The following BTRC variants were observed in gnomAD, a reference collection of about 807,000 sequenced individuals.
BTRC encodes the protein F-box/WD repeat-containing protein 1A.
In BTRC, 42 loss-of-function variants were observed where a neutral mutation model predicts 85.5. The observed-to-expected ratio is 0.49, with a 90% confidence interval of 0.38 to 0.64. The LOEUF is 0.64. Ranked by LOEUF, BTRC falls within the 30% of genes least tolerant of loss-of-function variation. The pLI is 0.00. For synonymous variants in BTRC, 255 were observed against 263.3 expected (o/e 0.97, Z 0.30); for missense variants, 594 against 743.5 (o/e 0.80, Z 2.34).
At chr10:101,387,731 C>T (rs1310305055) in intron 1 of BTRC, among the ~76,000 whole-genome samples, 1 of 151,308 alleles carries the variant, frequency 6.6e-6, no homozygotes, top group Non-Finnish European at 1.5e-5. Flanking sequence ...GCTCTGTCGC[C>T]CAGGCTGAAG....
At chr10:101,388,243 C>T (rs1274778383) in intron 1 of BTRC, among the ~76,000 whole-genome samples, 1 of 151,958 alleles carries the variant, frequency 6.6e-6, no homozygotes, top group African/African-American at 2.4e-5. Flanking sequence ...CTCATTGTAA[C>T]ATCAACCTCC....
chr10:101,382,357 T>C (rs1942958581), intron 1 of BTRC, among the ~76,000 whole-genome samples: 1 of 152,178 alleles, frequency 6.6e-6, no homozygotes, highest in Non-Finnish European at 1.5e-5. Context: ...TCTCTTTAGT[T>C]TCCTTTAATT....
At chr10:101,375,586 G>A (rs1288659186) in intron 1 of BTRC, among the ~76,000 whole-genome samples, 1 of 152,222 alleles carries the variant, frequency 6.6e-6, no homozygotes. Flanking sequence ...TAGGCAGAAA[G>A]CATCAGTGAA....
At chr10:101,358,260 A>T (rs541595974) in intron 1 of BTRC, among the ~76,000 whole-genome samples, 1 of 149,432 alleles carries the variant, frequency 6.7e-6, no homozygotes, top group Non-Finnish European at 1.5e-5. Context: ...TATGCTGGCT[A>T]TTTTTTTTTT....
intron 1 of BTRC, among the ~76,000 whole-genome samples, chr10:101,394,119 T>C (rs890126188): frequency 3.9e-5 from 6 of 152,150 alleles, no homozygotes; most frequent in Non-Finnish European, 1.5e-5. Flanking sequence ...TAGAAGATAT[T>C]ATGGAGCTAG....
At chr10:101,491,234 G>T (rs1946124877) in intron 4 of BTRC, among the ~76,000 whole-genome samples, 1 of 135,068 alleles carries the variant, frequency 7.4e-6, no homozygotes, top group South Asian at 2.3e-4. Flanking sequence ...TAGACAACTG[G>T]TTCAGGGTGG....
intron 11 of BTRC, 90 bp downstream of exon 11, chr10:101,535,562 T>G (rs780133712): frequency 3.4e-5 from 31 of 901,782 alleles, no homozygotes; most frequent in Non-Finnish European, 4.8e-5. Context: ...TCAATTTTGT[T>G]ATGTTTATAA....
intron 1 of BTRC, among the ~76,000 whole-genome samples, chr10:101,417,816 A>G (rs933470683): frequency 2.6e-5 from 4 of 152,060 alleles, no homozygotes; most frequent in Non-Finnish European, 5.9e-5. Flanking sequence ...GGAACTACAG[A>G]TGCGTGTCAC....
intron 1 of BTRC, among the ~76,000 whole-genome samples, chr10:101,387,528 C>CTTTATTTTTTTTTTTTTTTTT (rs1943110850): frequency 2.2e-5 from 1 of 45,122 alleles, no homozygotes; most frequent in Non-Finnish European, 3.4e-5. Flanking sequence ...CTTCATGGGA[C>CTTTATTTTTTTTTTTTTTTTT]TTTTTTTTTT....
intron 4 of BTRC, among the ~76,000 whole-genome samples, chr10:101,502,350 T>C (rs1564810614): frequency 6.6e-6 from 1 of 151,990 alleles, no homozygotes; most frequent in Non-Finnish European, 1.5e-5. Flanking sequence ...AGTTGGGTGT[T>C]ATGGGAAAAC....
At position 101,461,988 on chromosome 10, in the gene BTRC, CAGAG is replaced by C; in HGVS notation, c.170_173del (p.Arg57LysfsTer12). ...GCTTACTTTCTTTCACAGAATTCCT[CAGAG>C]AGAGAAGACTGTAATAATGGCGAAC... On this transcript the variant is annotated frameshift_variant, in exon 3 of 15. Transcript: ENST00000370187. LOFTEE classifies it high-confidence loss of function. 2 of 1,609,146 alleles carry C rather than the reference CAGAG, an allele frequency of 1.2e-6. No individual in the cohort carries two copies. The highest frequency in any genetic ancestry group is 1.7e-6 in the Non-Finnish European group (2 of 1,176,296).
chr10:101,445,437 A>G (rs950495820), intron 2 of BTRC, among the ~76,000 whole-genome samples: 1 of 152,220 alleles, frequency 6.6e-6, no homozygotes, highest in African/African-American at 2.4e-5. Flanking sequence ...TTAAATCAGT[A>G]GAAAATATGT....
chr10:101,430,646 A>G lies in BTRC; in HGVS notation c.156+194A>G, dbSNP rs190046026. Among the ~76,000 whole-genome samples, 7 of 152,266 alleles carry G rather than the reference A, an allele frequency of 4.6e-5. No homozygotes were observed. In the East Asian group the frequency reaches 1.4e-3, roughly 29 times the overall value. On this transcript the variant is annotated intron_variant, in intron 2 of 14. Transcript: ENST00000370187. ...ACCCAGACTGATCCACTCTTAAGACAATGTCATCATGATTGGTTACAAAAA... is the reference window on the plus strand; with the variant it reads ...ACCCAGACTGATCCACTCTTAAGACGATGTCATCATGATTGGTTACAAAAA...
chr10:101,428,637 C>T (rs1299654113), intron 1 of BTRC, among the ~76,000 whole-genome samples: 2 of 152,100 alleles, frequency 1.3e-5, no homozygotes, highest in Non-Finnish European at 2.9e-5. Context: ...GATTCTAGTC[C>T]CTACTTCCCT....
chr10:101,493,123 T>G (rs1946175571), intron 4 of BTRC, among the ~76,000 whole-genome samples: 1 of 152,224 alleles, frequency 6.6e-6, no homozygotes, highest in Non-Finnish European at 1.5e-5. Flanking sequence ...AAAGACTAAT[T>G]GTATCCAAAG....
At chr10:101,418,679 A>G (rs1047343398) in intron 1 of BTRC, among the ~76,000 whole-genome samples, 2 of 151,636 alleles carry the variant, frequency 1.3e-5, no homozygotes, top group African/African-American at 4.8e-5. Flanking sequence ...GTATTGCTGT[A>G]TAATTGGCAA....
intron 2 of BTRC, among the ~76,000 whole-genome samples, chr10:101,431,044 A>G (rs1278944313): frequency 6.6e-6 from 1 of 150,592 alleles, no homozygotes; most frequent in Non-Finnish European, 1.5e-5. Flanking sequence ...TCATGAATTA[A>G]CAGATTCCAG....
At chr10:101,416,559 GTTA>G (rs934839869) in intron 1 of BTRC, among the ~76,000 whole-genome samples, 10 of 152,004 alleles carry the variant, frequency 6.6e-5, no homozygotes, top group Admixed American at 3.9e-4. Context: ...TGTTGTTGTT[GTTA>G]TTGTTGTTGT....
Position 101,550,693 on chromosome 10 carries a change from C to G in BTRC, c.1657-6C>G. 6.2e-7 allele frequency: 1 copy of G among 1,609,670 alleles called. No homozygotes were observed. Among genetic ancestry groups the G allele is most frequent in the Non-Finnish European group, 8.5e-7 (1 of 1,176,626 alleles). On this transcript the variant is annotated splice_region_variant and splice_polypyrimidine_tract_variant and intron_variant, in intron 13 of 14. Coordinates refer to ENST00000370187, the MANE Select transcript of BTRC (RefSeq NM_033637.4). ...GTTCCTACCCTTTTTGTTTCTACTT[C>G]TTTAGGAGCATTCCGGAAGAGTTTT...
Sources: allele counts gnomAD v4.1 joint callset (sites outside exome capture counted in the v4.1 genomes callset), GRCh38; gene constraint gnomAD v4.1.1; transcripts MANE v1.5; gene names NCBI Gene and HGNC (gene_info 2026-07-23, HGNC 2026-07-21).